CHRNA9: variants seen among roughly 807,000 people sequenced by gnomAD.
CHRNA9 encodes the protein neuronal acetylcholine receptor subunit alpha-9.
A neutral mutation model predicts 36.8 loss-of-function variants in CHRNA9; 24 were observed. The observed-to-expected ratio is 0.65, with a 90% CI of 0.47 to 0.92. The LOEUF (loss-of-function observed/expected upper bound fraction) is 0.92, where lower values mean the gene tolerates loss of function less well. CHRNA9 is among the 40% of genes least tolerant of loss of function. The pLI is 0.00. For missense variants in CHRNA9, 610 were observed against 601.2 expected, an observed-to-expected ratio of 1.01 and a Z score of -0.15; for synonymous variants, 231 against 231.8, an observed-to-expected ratio of 1.00 and a Z score of 0.03.
chr4:40,353,549 G>C (rs1712862428), intron 4 of CHRNA9, among the ~76,000 whole-genome samples: 1 of 151,910 alleles, frequency 6.6e-6, no homozygotes, highest in Admixed American at 6.6e-5. Context: ...CCTTAGAAAG[G>C]GTGTTTGTTT....
chr4:40,343,850 G>A (rs770347492), intron 3 of CHRNA9, among the ~76,000 whole-genome samples: 9 of 152,220 alleles, frequency 5.9e-5, no homozygotes, highest in Non-Finnish European at 8.8e-5. Flanking sequence ...AAGTGTGATA[G>A]ATAGAATAAT....
intron 3 of CHRNA9, among the ~76,000 whole-genome samples, chr4:40,342,682 G>A (rs1022422247): frequency 2.0e-5 from 3 of 152,174 alleles, no homozygotes; most frequent in African/African-American, 4.8e-5. Flanking sequence ...CAGGAGTCAG[G>A]AAATAAAAGC....
intron 3 of CHRNA9, among the ~76,000 whole-genome samples, chr4:40,342,101 G>T (rs1167443457): frequency 6.6e-6 from 1 of 152,198 alleles, no homozygotes; most frequent in African/African-American, 2.4e-5. Context: ...TAGACCTGGT[G>T]AGGAACTGGG....
intron 4 of CHRNA9, among the ~76,000 whole-genome samples, chr4:40,351,553 G>T (rs1211558514): frequency 6.6e-6 from 1 of 152,090 alleles, no homozygotes; most frequent in East Asian, 1.9e-4. Flanking sequence ...GTTATTCATA[G>T]CACCCATGGA....
At chr4:40,339,457 C>A (rs112058052) in intron 3 of CHRNA9, among the ~76,000 whole-genome samples, 1 of 149,534 alleles carries the variant, frequency 6.7e-6, no homozygotes, top group Non-Finnish European at 1.5e-5. Flanking sequence ...CCGAGGGGGG[C>A]GGATCATGAG....
At chr4:40,345,604 C>T (rs576142839) in intron 3 of CHRNA9, among the ~76,000 whole-genome samples, 3 of 151,704 alleles carry the variant, frequency 2.0e-5, no homozygotes, top group South Asian at 2.1e-4. Context: ...TCCAGCACCT[C>T]GGGAGTCTGG....
chr4:40,339,279 CAAAAAAAA>C lies in CHRNA9; in HGVS notation c.365+1930_365+1937del, dbSNP rs61634062. 9.8e-5 allele frequency among the ~76,000 whole-genome samples: 7 copies of C among 71,160 alleles called. No individual in the cohort carries two copies. In the South Asian group the frequency reaches 2.3e-3, roughly 24 times the overall value. 46.7% of individuals were successfully genotyped at this position (71,160 alleles called of 152,430 possible). On this transcript the variant is annotated intron_variant, in intron 3 of 4. Transcript: ENST00000310169. Reference sequence around the variant, plus strand: ...GGGCGACAAGAGCGAGACTCCATCTCAAAAAAAAAAAAAAAAAAAAAAGAAAGAAAAAA... The same window carrying C: ...GGGCGACAAGAGCGAGACTCCATCTCAAAAAAAAAAAAAAGAAAGAAAAAA...
chr4:40,349,759 A>C, intron 4 of CHRNA9: 1 of 217,106 alleles, frequency 4.6e-6, no homozygotes, highest in Non-Finnish European at 9.3e-6. Context: ...AGCCTACTGA[A>C]TCAGACATTC....
At chr4:40,347,471 A>C (rs1712667814) in intron 3 of CHRNA9, among the ~76,000 whole-genome samples, 1 of 152,246 alleles carries the variant, frequency 6.6e-6, no homozygotes, top group Non-Finnish European at 1.5e-5. Context: ...GGACTATAAT[A>C]GAATGCTATT....
chr4:40,343,547 A>G (rs1186818842), intron 3 of CHRNA9, among the ~76,000 whole-genome samples: 1 of 152,212 alleles, frequency 6.6e-6, no homozygotes, highest in African/African-American at 2.4e-5. Context: ...TGTGGGAATT[A>G]TGTGAGCTAC....
At chr4:40,349,688 A>C in intron 4 of CHRNA9, 1 of 362,590 alleles carries the variant, frequency 2.8e-6, no homozygotes, top group African/African-American at 2.0e-5. Context: ...TGGTCCCCAG[A>C]TGCACAGCAT....
At position 40,348,927 on chromosome 4, in the gene CHRNA9, G is replaced by A; in HGVS notation, c.411G>A (p.Leu137=). The A allele has an allele frequency of 6.2e-7, 1 of 1,614,156 alleles. No homozygotes were observed. Among genetic ancestry groups the A allele is most frequent in the Non-Finnish European group, 8.5e-7 (1 of 1,180,020 alleles). The part of the protein sequence containing the change: ...SSEPVNTNVV[L]RYDGLITWDA... The stretch of plus-strand genomic sequence containing the variant: ...AGCCTGTGAACACCAATGTGGTCCT[G>A]CGGTATGATGGGCTGATCACCTGGG... The change falls in exon 4 of 5, where the codon CTG becomes CTA. Residue 137 remains leucine (L), a synonymous_variant. Transcript: ENST00000310169.
intron 3 of CHRNA9, among the ~76,000 whole-genome samples, chr4:40,340,966 A>G (rs1712482557): frequency 8.1e-6 from 1 of 123,266 alleles, no homozygotes; most frequent in Non-Finnish European, 1.6e-5. Flanking sequence ...AGGGAAGATA[A>G]GCTCTCCAAA....
At chr4:40,351,607 C>A (rs1367615613) in intron 4 of CHRNA9, among the ~76,000 whole-genome samples, 4 of 152,180 alleles carry the variant, frequency 2.6e-5, no homozygotes, top group Non-Finnish European at 5.9e-5. Context: ...TTTTCTGCAT[C>A]AAATGTAGCC....
intron 3 of CHRNA9, among the ~76,000 whole-genome samples, chr4:40,347,527 G>A (rs932030322): frequency 6.6e-6 from 1 of 152,080 alleles, no homozygotes. Context: ...AAATGACCAC[G>A]TATTTTTAAA....
intron 3 of CHRNA9, chr4:40,348,220 TC>T: frequency 6.6e-6 from 1 of 152,352 alleles, no homozygotes. Flanking sequence ...GACCAACACT[TC>T]CTCTGCCTTG....
At chr4:40,343,994 A>G (rs1172364918) in intron 3 of CHRNA9, among the ~76,000 whole-genome samples, 1 of 152,238 alleles carries the variant, frequency 6.6e-6, no homozygotes, top group African/African-American at 2.4e-5. Context: ...GGCCTAATGT[A>G]AACACAGGGG....
chr4:40,335,628 A>T, intron 1 of CHRNA9, 97 bp downstream of exon 1: 1 of 1,080,472 alleles, frequency 9.3e-7, no homozygotes, highest in Non-Finnish European at 1.4e-6. Flanking sequence ...CAGATGATTC[A>T]ACCGCATGGA....
intron 3 of CHRNA9, among the ~76,000 whole-genome samples, chr4:40,339,492 C>A (rs1473654550): frequency 6.6e-6 from 1 of 150,806 alleles, no homozygotes; most frequent in Non-Finnish European, 1.5e-5. Flanking sequence ...ACCATCCTGG[C>A]TAACATGGTG....
Sources: gnomAD v4.1 joint callset for allele counts (sites outside exome capture counted in the v4.1 genomes callset) on GRCh38, gnomAD v4.1.1 for gene constraint, MANE v1.5 for transcripts, NCBI Gene and HGNC (gene_info 2026-07-23, HGNC 2026-07-21) for gene names.